ZNF761: variants seen among roughly 807,000 people sequenced by gnomAD.
ZNF761 encodes the protein zinc finger protein 761.
ZNF761 carries 43 observed loss-of-function variants against 59.9 expected under a neutral mutation model. That is an observed-to-expected ratio of 0.72 (90% CI 0.56 to 0.92). The LOEUF is 0.92. ZNF761 is among the 40% of genes least tolerant of loss of function. The pLI is 0.00. For missense variants in ZNF761, 850 were observed against 906.1 expected (o/e 0.94, Z 0.79); for synonymous variants, 294 against 304.8 (o/e 0.96, Z 0.37).
intron 4 of ZNF761, among the ~76,000 whole-genome samples, chr19:53,451,390 A>G (rs571668717): frequency 1.3e-5 from 2 of 151,662 alleles, no homozygotes; most frequent in Non-Finnish European, 2.9e-5. Context: ...TTGTATTTTA[A>G]TAGACACAGG....
Position 53,456,891 on chromosome 19 carries a change from T to C in ZNF761, c.*143T>C. On this transcript the variant is annotated 3_prime_UTR_variant, in exon 5 of 5. Coordinates refer to ENST00000684525, the MANE Select transcript of ZNF761 (RefSeq NM_001289951.2). ...CCTCAGAAGACAGGAGAATTCATACTGGAGAGAAAGCTTATAAATGTGAAG... is the reference window on the plus strand; with the variant it reads ...CCTCAGAAGACAGGAGAATTCATACCGGAGAGAAAGCTTATAAATGTGAAG... 1 of 962,102 alleles carries C rather than the reference T, an allele frequency of 1.0e-6. No individual in the cohort carries two copies. The highest frequency in any genetic ancestry group is 1.6e-6 in the Non-Finnish European group (1 of 629,200). The allele number at this position is 962,102 out of a possible 1,614,324, so 59.6% of individuals were successfully genotyped here.
intron 1 of ZNF761, among the ~76,000 whole-genome samples, chr19:53,433,290 C>A (rs992554559): frequency 4.6e-5 from 7 of 152,088 alleles, no homozygotes; most frequent in Non-Finnish European, 8.8e-5. Flanking sequence ...GTCATGTAAT[C>A]TATAGCATAG....
chr19:53,436,871 G>A (rs1453849134), intron 1 of ZNF761, among the ~76,000 whole-genome samples: 2 of 152,120 alleles, frequency 1.3e-5, no homozygotes, highest in South Asian at 2.1e-4. Flanking sequence ...GGGGCAGTTC[G>A]CTAAAGTTTA....
intron 4 of ZNF761, chr19:53,450,173 T>C (rs547555923): frequency 3.7e-4 from 48 of 129,162 alleles, no homozygotes; most frequent in East Asian, 5.4e-4. Flanking sequence ...TGTGGTGGCA[T>C]GGGCCTGTAA....
At chr19:53,453,072 G>A (rs1285532075) in intron 4 of ZNF761, among the ~76,000 whole-genome samples, 1 of 152,186 alleles carries the variant, frequency 6.6e-6, no homozygotes, top group Non-Finnish European at 1.5e-5. Flanking sequence ...TGCAATCTCG[G>A]CTTACTACAA....
rs377263462 is a variant in ZNF761, at chr19:53,454,675, G to A, written c.168G>A (p.Lys56=). The change falls in exon 5 of 5, where the codon AAG becomes AAA. Residue 56 remains lysine, a synonymous_variant. Transcript: ENST00000684525. The part of the protein sequence containing the change: ...SLDISSKCTM[K]EFLSTAQGNR... ...ATATCTCTTCCAAATGCACGATGAA[G>A]GAGTTCTTGTCAACAGCGCAAGGCA... 85 of 1,602,572 alleles carry A rather than the reference G, an allele frequency of 5.3e-5. No homozygotes were observed. In the African/African-American group the frequency reaches 8.0e-4, roughly 15 times the overall value.
At chr19:53,453,673 C>T (rs892441437) in intron 4 of ZNF761, among the ~76,000 whole-genome samples, 3 of 151,934 alleles carry the variant, frequency 2.0e-5, no homozygotes, top group Non-Finnish European at 4.4e-5. Context: ...GTCAAAAGTA[C>T]GAGGCTGGCC....
intron 1 of ZNF761, among the ~76,000 whole-genome samples, chr19:53,440,291 T>C (rs113890519): frequency 0.075 from 11,465 of 152,162 alleles, 1,155 homozygotes; most frequent in African/African-American, 0.23. Context: ...ATCATGCCAC[T>C]GCACTCCAGC....
rs71185882 is a variant in ZNF761, at chr19:53,441,453, GT to G, written c.-184-4761del. On this transcript the variant is annotated intron_variant, in intron 1 of 4. Coordinates refer to ENST00000684525, the MANE Select transcript of ZNF761 (RefSeq NM_001289951.2). ...TTAGTTTCGGGTTTTTTTGTTTTTT[GT>G]TTTTTTTTTTTTGGCAGAATCTCAC... is the stretch of plus-strand genomic sequence containing the variant. Among the ~76,000 whole-genome samples the G allele has an allele frequency of 7.9e-4, 114 of 144,540 alleles. 2 individuals carry two copies. The highest frequency in any genetic ancestry group is 3.5e-3 in the Middle Eastern group (1 of 282). The allele number at this position is 144,540 out of a possible 152,430, so 94.8% of individuals were successfully genotyped here.
intron 2 of ZNF761, 159 bp from the exon 3 acceptor site, chr19:53,447,034 AAAG>A (rs1365517024): frequency 2.3e-6 from 1 of 431,328 alleles, no homozygotes; most frequent in Admixed American, 3.5e-5. Context: ...CTCCTCTAGG[AAAG>A]AAGTGCGAGT....
chr19:53,455,237 T>C lies in ZNF761; in HGVS notation c.730T>C (p.Cys244Arg). Residue 244 changes from cysteine (C) to arginine (R), a missense_variant, in exon 5 of 5, where the codon TGT becomes CGT. Cys to Arg is a radical substitution (Grantham distance 180). Coordinates refer to ENST00000684525, the MANE Select transcript of ZNF761 (RefSeq NM_001289951.2). ...AATCCATTTAGCAGACAAATATAAA[T>C]GTGATGTATGTGGCAAGCTCTTTAA... The part of the protein sequence containing the change: ...QIIHLADKYK[C>R]DVCGKLFNQK... 5.0e-6 allele frequency: 8 copies of C among 1,614,164 alleles called. No individual in the cohort carries two copies. Among genetic ancestry groups the C allele is most frequent in the Middle Eastern group, 1.6e-4 (1 of 6,062 alleles).
intron 4 of ZNF761, chr19:53,450,406 C>G (rs1291130130): frequency 6.6e-6 from 1 of 152,206 alleles, no homozygotes; most frequent in Non-Finnish European, 1.5e-5. Context: ...CCTATTGATT[C>G]AGCCAGTCTT....
chr19:53,436,632 G>A, intron 1 of ZNF761, among the ~76,000 whole-genome samples: 1 of 152,206 alleles, frequency 6.6e-6, no homozygotes, highest in Admixed American at 6.5e-5. Flanking sequence ...CTGATAGTCT[G>A]TGTGTAGCTT....
rs185257080 is a variant in ZNF761 at position 53,453,442 on chromosome 19, T to A, written c.143-1208T>A. On this transcript the variant is annotated intron_variant, in intron 4 of 4. Transcript: ENST00000684525. ...TTTTCTTAATGGAATTGTTTAGAAT[T>A]TTGCAGGTTGTATAAATGTACTTAT... 3.6e-3 allele frequency among the ~76,000 whole-genome samples: 549 copies of A among 152,330 alleles called. 5 individuals are homozygous for A. Among genetic ancestry groups the A allele is most frequent in the African/African-American group, 0.012 (513 of 41,574 alleles).
At chr19:53,436,207 T>G (rs2617755) in intron 1 of ZNF761, among the ~76,000 whole-genome samples, 1 of 151,932 alleles carries the variant, frequency 6.6e-6, no homozygotes, top group African/African-American at 2.4e-5. Context: ...GTGGACAAGA[T>G]TACAGTACAG....
intron 1 of ZNF761, among the ~76,000 whole-genome samples, chr19:53,437,326 A>AG (rs2086053617): frequency 6.6e-6 from 1 of 150,524 alleles, no homozygotes; most frequent in Non-Finnish European, 1.5e-5. Context: ...TCAAAAAAAA[A>AG]AAAAGAAAAA....
intron 1 of ZNF761, among the ~76,000 whole-genome samples, chr19:53,435,394 T>C (rs1282148645): frequency 7.7e-6 from 1 of 130,002 alleles, no homozygotes; most frequent in Admixed American, 9.8e-5. Context: ...AACCTCCACC[T>C]CCTGGGTTCA....
At chr19:53,438,838 A>T (rs2147124131) in intron 1 of ZNF761, among the ~76,000 whole-genome samples, 1 of 152,192 alleles carries the variant, frequency 6.6e-6, no homozygotes, top group African/African-American at 2.4e-5. Flanking sequence ...TCTATAGGAG[A>T]TGGAGGAGAT....
At position 53,434,764 on chromosome 19, in the gene ZNF761, T is replaced by C. The variant is rs568805905; in HGVS notation, c.-185+2736T>C. ...AGTTAAATTATCTTGTGGCATTAAC[T>C]CTTTTGCTTCTTAAGGCCATTGGTC... On this transcript the variant is annotated intron_variant, in intron 1 of 4. Coordinates refer to ENST00000684525, the MANE Select transcript of ZNF761 (RefSeq NM_001289951.2). Among the ~76,000 whole-genome samples the C allele has an allele frequency of 4.0e-4, 61 of 152,308 alleles. 2 individuals carry two copies. Among genetic ancestry groups the C allele is most frequent in the Admixed American group, 3.3e-3 (50 of 15,304 alleles).
Sources: gnomAD v4.1 joint callset for allele counts (sites outside exome capture counted in the v4.1 genomes callset) on GRCh38, gnomAD v4.1.1 for gene constraint, MANE v1.5 for transcripts, NCBI Gene and HGNC (gene_info 2026-07-23, HGNC 2026-07-21) for gene names.